Variants in FILIP1 observed in about 807,000 individuals in gnomAD.
The protein encoded by FILIP1 is filamin-A-interacting protein 1.
A neutral mutation model predicts 102.1 loss-of-function variants in FILIP1; 61 were observed. The observed-to-expected ratio is 0.60, with a 90% confidence interval of 0.49 to 0.74. The LOEUF (loss-of-function observed/expected upper bound fraction) is 0.74. FILIP1 is among the 30% of genes least tolerant of loss of function. The pLI, the probability that FILIP1 is intolerant of heterozygous loss-of-function variation, is 0.00. For synonymous variants in FILIP1, 491 were observed against 526.9 expected, an observed-to-expected ratio of 0.93 and a Z score of 0.93; for missense variants, 1,314 against 1,441.2, an observed-to-expected ratio of 0.91 and a Z score of 1.43.
chr6:75,392,646 C>A (rs76730713), intron 2 of FILIP1, among the ~76,000 whole-genome samples: 5 of 152,102 alleles, frequency 3.3e-5, no homozygotes, highest in African/African-American at 4.8e-5. Flanking sequence ...TTTCCCCCCA[C>A]CAGCACTGTT....
chr6:75,343,921 A>G (rs1358732298), intron 4 of FILIP1, among the ~76,000 whole-genome samples: 1 of 152,252 alleles, frequency 6.6e-6, no homozygotes, highest in Non-Finnish European at 1.5e-5. Flanking sequence ...GGGAGTTCTT[A>G]GAAAGAATAT....
intron 4 of FILIP1, among the ~76,000 whole-genome samples, chr6:75,334,446 T>C (rs1774175510): frequency 6.6e-6 from 1 of 152,180 alleles, no homozygotes; most frequent in South Asian, 2.1e-4. Flanking sequence ...AGCTGCAAAC[T>C]GAAAGGTTGT....
chr6:75,389,895 C>A (rs1193421589), intron 2 of FILIP1, among the ~76,000 whole-genome samples: 1 of 152,126 alleles, frequency 6.6e-6, no homozygotes, highest in South Asian at 2.1e-4. Context: ...CACAAGTAAA[C>A]TCCCATCAGT....
chr6:75,335,803 T>C (rs1774222896), intron 4 of FILIP1, among the ~76,000 whole-genome samples: 1 of 152,170 alleles, frequency 6.6e-6, no homozygotes, highest in African/African-American at 2.4e-5. Context: ...CATTATGTTA[T>C]GGCATAGAAA....
chr6:75,376,142 G>A (rs1195751312), intron 2 of FILIP1, among the ~76,000 whole-genome samples: 1 of 152,082 alleles, frequency 6.6e-6, no homozygotes, highest in Non-Finnish European at 1.5e-5. Flanking sequence ...ATATTGTTGT[G>A]TCCTTACTGA....
At chr6:75,324,143 T>C (rs959546589) in intron 4 of FILIP1, among the ~76,000 whole-genome samples, 1 of 151,650 alleles carries the variant, frequency 6.6e-6, no homozygotes, top group Non-Finnish European at 1.5e-5. Context: ...ACCTAGAAAA[T>C]CCTAAAGACT....
At chr6:75,392,544 G>C (rs1345145631) in intron 2 of FILIP1, among the ~76,000 whole-genome samples, 4 of 152,138 alleles carry the variant, frequency 2.6e-5, no homozygotes, top group Non-Finnish European at 5.9e-5. Flanking sequence ...CTTGGAGTCA[G>C]GCTTAGCAAA....
At chr6:75,301,095 G>C (rs1772825084) in intron 6 of FILIP1, among the ~76,000 whole-genome samples, 1 of 152,120 alleles carries the variant, frequency 6.6e-6, no homozygotes, top group African/African-American at 2.4e-5. Context: ...TAAATACCTA[G>C]GTTGTTCTAA....
intron 4 of FILIP1, among the ~76,000 whole-genome samples, chr6:75,349,591 A>T (rs1448735088): frequency 6.6e-6 from 1 of 152,210 alleles, no homozygotes; most frequent in Non-Finnish European, 1.5e-5. Flanking sequence ...GAAAAGGGGA[A>T]GGGAGTGCAA....
rs1346108605 is a variant in FILIP1, at chr6:75,493,728, T to C, written c.-321A>G. 6.6e-6 allele frequency: 1 copy of C among 152,100 alleles called. No homozygotes were observed. The highest frequency in any genetic ancestry group is 1.5e-5 in the Non-Finnish European group (1 of 68,014). The allele number at this position is 152,100 out of a possible 1,614,324, so 9.4% of individuals were successfully genotyped here. ...AAAAGTTTTTTCTACTGTTGCTAGG[T>C]GTTGTTGGGTTCGGAGATTAGGTTT... On this transcript the variant is annotated 5_prime_UTR_variant, in exon 1 of 6. Coordinates refer to ENST00000237172, the MANE Select transcript of FILIP1 (RefSeq NM_015687.5).
intron 4 of FILIP1, among the ~76,000 whole-genome samples, chr6:75,327,738 C>T (rs1773920402): frequency 6.6e-6 from 1 of 151,344 alleles, no homozygotes; most frequent in South Asian, 2.1e-4. Flanking sequence ...TTTCCTTATT[C>T]TTTATAAATT....
intron 2 of FILIP1, among the ~76,000 whole-genome samples, chr6:75,389,164 G>C (rs989298383): frequency 5.3e-5 from 8 of 152,150 alleles, no homozygotes; most frequent in Non-Finnish European, 1.0e-4. Context: ...TTTATGTGAT[G>C]GATTACGTTT....
In FILIP1 at chr6:75,314,436, G is replaced by C. The variant is rs919662056; in HGVS notation, c.1396C>G (p.Leu466Val). The change falls in exon 5 of 6, where the codon CTG becomes GTG. Residue 466 changes from leucine to valine, a missense_variant. Physicochemically the swap from Leu to Val is conservative, Grantham distance 32. Coordinates refer to ENST00000237172, the MANE Select transcript of FILIP1 (RefSeq NM_015687.5). ...TTGACCACCTCCAATTCATTTAGCA[G>C]GTCTTTGGTTAAGTTCTTTTCTTTC... ...LEKEKNLTKD[L>V]LNELEVVKSR... The C allele has an allele frequency of 7.6e-6, 12 of 1,570,158 alleles. No individual in the cohort carries two copies. The highest frequency in any genetic ancestry group is 1.4e-5 in the African/African-American group (1 of 72,716).
At chr6:75,353,455 TGAAA>T in intron 4 of FILIP1, 80 bp downstream of exon 4, 1 of 1,481,116 alleles carries the variant, frequency 6.8e-7, no homozygotes, top group Non-Finnish European at 9.2e-7. Flanking sequence ...TGCCCCTGGC[TGAAA>T]GACTGATCCC....
At chr6:75,478,230 C>A (rs896534935) in intron 1 of FILIP1, among the ~76,000 whole-genome samples, 1 of 152,156 alleles carries the variant, frequency 6.6e-6, no homozygotes, top group Non-Finnish European at 1.5e-5. Flanking sequence ...TAGCTTTACT[C>A]GGGGTAATGT....
chr6:75,493,798 G>A lies in FILIP1; in HGVS notation c.-391C>T, dbSNP rs979527468. 6.6e-6 allele frequency: 1 copy of A among 152,224 alleles called. No individual in the cohort carries two copies. Among genetic ancestry groups the A allele is most frequent in the Non-Finnish European group, 1.5e-5 (1 of 68,054 alleles). The allele number at this position is 152,224 out of a possible 1,614,324, so 9.4% of individuals were successfully genotyped here. A position where few individuals can be genotyped will look rare whatever the true frequency, so the allele number is the denominator to read the frequency against. ...ACAACACTGTCAGAGCAATGGCTAT[G>A]TTGAGGAGCTGAGCTCGCGGGTGCT... On this transcript the variant is annotated 5_prime_UTR_variant, in exon 1 of 6. Transcript: ENST00000237172.
At chr6:75,376,044 C>A (rs1480662747) in intron 2 of FILIP1, among the ~76,000 whole-genome samples, 1 of 152,128 alleles carries the variant, frequency 6.6e-6, no homozygotes, top group African/African-American at 2.4e-5. Flanking sequence ...TCCCCCTCCA[C>A]TTAAAAAATA....
At chr6:75,404,259 C>G (rs1340363454) in intron 2 of FILIP1, among the ~76,000 whole-genome samples, 1 of 152,084 alleles carries the variant, frequency 6.6e-6, no homozygotes, top group Non-Finnish European at 1.5e-5. Context: ...CAAAACAAAA[C>G]AACACTGCCG....
intron 1 of FILIP1, among the ~76,000 whole-genome samples, chr6:75,415,924 G>A (rs889448204): frequency 2.0e-5 from 3 of 152,218 alleles, no homozygotes; most frequent in East Asian, 3.9e-4. Context: ...CAAACACACC[G>A]AACTCACAGG....
Sources: gnomAD v4.1 joint callset for allele counts (sites outside exome capture counted in the v4.1 genomes callset) on GRCh38, gnomAD v4.1.1 for gene constraint, MANE v1.5 for transcripts, NCBI Gene and HGNC (gene_info 2026-07-23, HGNC 2026-07-21) for gene names.